Variants in FARS2 observed in about 807,000 individuals in gnomAD.
The protein encoded by FARS2 is phenylalanyl-tRNA synthetase 2, mitochondrial.
A neutral mutation model predicts 46.4 loss-of-function variants in FARS2; 40 were observed. The ratio of observed to expected loss-of-function variants is 0.86; its 90% confidence interval spans 0.67 to 1.12. The LOEUF (loss-of-function observed/expected upper bound fraction) is 1.12, where lower values mean the gene tolerates loss of function less well. Ranked by LOEUF, FARS2 falls within the 50% of genes most tolerant of loss-of-function variation. FARS2 has a pLI of 0.00. For synonymous variants in FARS2, 234 were observed against 214.9 expected (o/e 1.09, Z -0.78); for missense variants, 513 against 567.9 (o/e 0.90, Z 0.98).
chr6:5,399,139 A>T (rs946103604), intron 2 of FARS2, among the ~76,000 whole-genome samples: 23 of 91,990 alleles, frequency 2.5e-4, no homozygotes, highest in African/African-American at 9.7e-4. Flanking sequence ...TATTATTATT[A>T]TTATTATTAT....
Position 5,624,840 on chromosome 6 carries a change from C to T in FARS2, c.1217+11520C>T, listed in dbSNP as rs116585312. Among the ~76,000 whole-genome samples, 1,376 of 151,994 alleles carry T rather than the reference C, an allele frequency of 9.1e-3. 22 individuals are homozygous for T. Among genetic ancestry groups the T allele is most frequent in the African/African-American group, 0.031 (1,294 of 41,402 alleles). On this transcript the variant is annotated intron_variant, in intron 6 of 6. Transcript: ENST00000274680. Reference sequence around the variant, plus strand: ...TGGGGCGGCCCCGCCCCCGCCCCCTCATTTTGGGCAGTTATGAGTGACACT... The same window carrying T: ...TGGGGCGGCCCCGCCCCCGCCCCCTTATTTTGGGCAGTTATGAGTGACACT...
chr6:5,726,176 T>C (rs1210538546), intron 6 of FARS2, among the ~76,000 whole-genome samples: 5 of 152,152 alleles, frequency 3.3e-5, no homozygotes, highest in African/African-American at 9.7e-5. Context: ...GAATCTTTTT[T>C]TTTTTAATCC....
At chr6:5,675,408 T>C (rs753980818) in intron 6 of FARS2, among the ~76,000 whole-genome samples, 5 of 152,222 alleles carry the variant, frequency 3.3e-5, no homozygotes, top group East Asian at 1.9e-4. Flanking sequence ...TGGAAACTTA[T>C]CAGAATTGTT....
intron 6 of FARS2, among the ~76,000 whole-genome samples, chr6:5,768,258 A>T (rs1207336140): frequency 6.6e-6 from 1 of 152,246 alleles, no homozygotes; most frequent in African/African-American, 2.4e-5. Context: ...CATTCTGCTA[A>T]ATAGTATTTC....
At chr6:5,769,357 A>G (rs1309998377) in intron 6 of FARS2, among the ~76,000 whole-genome samples, 1 of 152,244 alleles carries the variant, frequency 6.6e-6, no homozygotes, top group Non-Finnish European at 1.5e-5. Context: ...ATGTAGTTTC[A>G]TAAGCTCCCA....
chr6:5,563,808 A>G (rs1772155952), intron 5 of FARS2, among the ~76,000 whole-genome samples: 2 of 152,224 alleles, frequency 1.3e-5, no homozygotes. Context: ...GAAAGTGCTT[A>G]ATAAAGGGGT....
chr6:5,410,505 G>C (rs1434280467), intron 3 of FARS2, among the ~76,000 whole-genome samples: 1 of 152,040 alleles, frequency 6.6e-6, no homozygotes, highest in Non-Finnish European at 1.5e-5. Flanking sequence ...AATTAGTTAT[G>C]GGTTTTGGGT....
intron 5 of FARS2, among the ~76,000 whole-genome samples, chr6:5,582,523 A>C (rs1351150375): frequency 6.6e-6 from 1 of 152,246 alleles, no homozygotes; most frequent in African/African-American, 2.4e-5. Context: ...GAATTTAGAC[A>C]TCTGTCCTAC....
intron 6 of FARS2, among the ~76,000 whole-genome samples, chr6:5,632,140 A>T (rs1426646686): frequency 6.6e-6 from 1 of 152,202 alleles, no homozygotes; most frequent in African/African-American, 2.4e-5. Context: ...AAATTCAGAA[A>T]CTGTATCTGT....
At chr6:5,585,675 T>A (rs1464145232) in intron 5 of FARS2, among the ~76,000 whole-genome samples, 2 of 152,068 alleles carry the variant, frequency 1.3e-5, no homozygotes, top group East Asian at 3.9e-4. Flanking sequence ...TGAATAATAG[T>A]CTAATATATA....
Position 5,756,889 on chromosome 6 carries a change from A to C in FARS2, c.1218-14402A>C, listed in dbSNP as rs554139791. 3.9e-5 allele frequency among the ~76,000 whole-genome samples: 6 copies of C among 152,304 alleles called. No homozygotes were observed. The South Asian group carries it at 1.2e-3, about 32-fold the overall frequency. ...TTTCAGCCACCTGTCCAAAACACAC[A>C]CTTTACCCAACCTGTGCTCATTTAT... On this transcript the variant is annotated intron_variant, in intron 6 of 6. Coordinates refer to ENST00000274680, the MANE Select transcript of FARS2 (RefSeq NM_006567.5).
chr6:5,453,532 A>G (rs1023770697), intron 4 of FARS2, among the ~76,000 whole-genome samples: 10 of 152,246 alleles, frequency 6.6e-5, no homozygotes, highest in Admixed American at 5.2e-4. Context: ...GAATTTCAAA[A>G]TGAGCTTTCT....
At chr6:5,375,298 C>T (rs189104765) in intron 2 of FARS2, among the ~76,000 whole-genome samples, 4 of 152,088 alleles carry the variant, frequency 2.6e-5, no homozygotes, top group Non-Finnish European at 4.4e-5. Context: ...AATATAATAA[C>T]ACATTTTATT....
intron 2 of FARS2, among the ~76,000 whole-genome samples, chr6:5,382,052 C>G (rs1759830421): frequency 6.6e-6 from 1 of 152,188 alleles, no homozygotes; most frequent in Non-Finnish European, 1.5e-5. Context: ...CAGATCTTGC[C>G]ATCCATCTGG....
In FARS2 at chr6:5,545,315, A is replaced by C; in HGVS notation, c.1040A>C (p.Asn347Thr). 1 of 1,613,872 alleles carries C rather than the reference A, an allele frequency of 6.2e-7. No individual in the cohort carries two copies. The highest frequency in any genetic ancestry group is 8.5e-7 in the Non-Finnish European group (1 of 1,179,832). ...ERFLKQFCVSNINQKVKFQPL... is the reference protein window; with the variant it reads ...ERFLKQFCVSTINQKVKFQPL... ...TTCCTGAAGCAGTTCTGTGTATCCA[A>C]CATTAATCAGAAGGTGAAGTTTCAG... The change falls in exon 5 of 7, where the codon AAC becomes ACC. Residue 347 changes from asparagine (N) to threonine (T), a missense_variant. Transcript: ENST00000274680.
chr6:5,636,957 A>G (rs1158929776), intron 6 of FARS2, among the ~76,000 whole-genome samples: 2 of 152,238 alleles, frequency 1.3e-5, no homozygotes, highest in African/African-American at 4.8e-5. Context: ...ACAGGGAGAA[A>G]CGCCACTGCA....
At chr6:5,259,348 C>A (rs1158394223), upstream of FARS2, among the ~76,000 whole-genome samples, 1 of 138,712 alleles carries the variant, frequency 7.2e-6, no homozygotes, top group East Asian at 2.1e-4. Context: ...TGCTAAAATT[C>A]CACCAGTATG....
intron 4 of FARS2, among the ~76,000 whole-genome samples, chr6:5,535,674 A>G (rs1326665001): frequency 2.8e-4 from 42 of 152,122 alleles, no homozygotes; most frequent in Admixed American, 2.7e-3. Flanking sequence ...TTTTTCACAC[A>G]TTGTCTTTAT....
Position 5,613,252 on chromosome 6 carries a change from C to G in FARS2, c.1149C>G (p.Asp383Glu). The G allele has an allele frequency of 6.2e-7, 1 of 1,613,350 alleles. No individual in the cohort carries two copies. The highest frequency in any genetic ancestry group is 8.5e-7 in the Non-Finnish European group (1 of 1,179,502). Residue 383 changes from aspartate to glutamate, a missense_variant, in exon 6 of 7, where the codon GAC becomes GAG. Coordinates refer to ENST00000274680, the MANE Select transcript of FARS2 (RefSeq NM_006567.5). Reference sequence around the variant, plus strand: ...ATTACGCAGAAAATGATTTCTATGACTTAGTCCGAACAATTGGAGGAGACC... The same window carrying G: ...ATTACGCAGAAAATGATTTCTATGAGTTAGTCCGAACAATTGGAGGAGACC... ...SENYAENDFY[D>E]LVRTIGGDLV...
Sources: gnomAD v4.1 joint callset for allele counts (sites outside exome capture counted in the v4.1 genomes callset) on GRCh38, gnomAD v4.1.1 for gene constraint, MANE v1.5 for transcripts, NCBI Gene and HGNC (gene_info 2026-07-23, HGNC 2026-07-21) for gene names.